The following SLC1A4 variants were observed in gnomAD, a reference collection of about 807,000 sequenced individuals.
The protein encoded by SLC1A4 is neutral amino acid transporter A.
A neutral mutation model predicts 37.7 loss-of-function variants in SLC1A4; 19 were observed. The observed-to-expected ratio is 0.50, with a 90% confidence interval of 0.35 to 0.74. The LOEUF is 0.74. SLC1A4 is among the 30% of genes least tolerant of loss of function. SLC1A4 has a pLI of 0.01. For synonymous variants in SLC1A4, 299 were observed against 309.8 expected, an observed-to-expected ratio of 0.97 and a Z score of 0.37; for missense variants, 570 against 712.9, an observed-to-expected ratio of 0.80 and a Z score of 2.28.
chr2:65,018,370 G>T lies in SLC1A4; in HGVS notation c.1229+105G>T, dbSNP rs1264152146. On this transcript the variant is annotated intron_variant, in intron 6 of 7. Coordinates refer to ENST00000234256, the MANE Select transcript of SLC1A4 (RefSeq NM_003038.5). This position sits in a 1 kb window ranked among gnomAD's most constrained non-coding sequence, Gnocchi z 4.3. ...CTTGGTGTCTCGCTCATAAAATGAG[G>T]ACAGTGGGGATTCATTACTTGAAGA... 1 of 1,387,602 alleles carries T rather than the reference G, an allele frequency of 7.2e-7. No individual in the cohort carries two copies. The highest frequency in any genetic ancestry group is 9.9e-7 in the Non-Finnish European group (1 of 1,009,636). 86.0% of individuals were successfully genotyped at this position (1,387,602 alleles called of 1,614,324 possible).
chr2:64,991,860 C>CA (rs1482783448), intron 1 of SLC1A4, among the ~76,000 whole-genome samples: 1 of 152,162 alleles, frequency 6.6e-6, no homozygotes, highest in African/African-American at 2.4e-5. Flanking sequence ...CTCGGCCTCC[C>CA]AAAGTGCTGG....
chr2:65,006,406 CACTT>C (rs1673673380), intron 3 of SLC1A4, among the ~76,000 whole-genome samples: 1 of 151,806 alleles, frequency 6.6e-6, no homozygotes, highest in Non-Finnish European at 1.5e-5. Flanking sequence ...GCAGGAGAAT[CACTT>C]GAACACAGGA....
chr2:64,989,643 C>T lies in SLC1A4; in HGVS notation c.-1C>T, dbSNP rs150893731. ...TCTAGCTCGGAGCGGCGTGTAGCGC[C>T]ATGGAGAAGAGCAACGAGACCAACG... On this transcript the variant is annotated 5_prime_UTR_variant, in exon 1 of 8. Coordinates refer to ENST00000234256, the MANE Select transcript of SLC1A4 (RefSeq NM_003038.5). The T allele has an allele frequency of 1.7e-4, 260 of 1,516,990 alleles. No individual in the cohort carries two copies. The highest frequency in any genetic ancestry group is 4.8e-4 in the Admixed American group (20 of 41,978). 94.0% of individuals were successfully genotyped at this position (1,516,990 alleles called of 1,614,324 possible).
chr2:65,009,031 G>A (rs1261487228), intron 3 of SLC1A4, among the ~76,000 whole-genome samples: 4 of 152,130 alleles, frequency 2.6e-5, no homozygotes, highest in Admixed American at 6.5e-5. Flanking sequence ...AAACAAAAGC[G>A]CCCTATACGG....
rs1290748880 is a variant in SLC1A4, at chr2:65,022,182, G to A, written c.*1036G>A. On this transcript the variant is annotated 3_prime_UTR_variant, in exon 8 of 8. Coordinates refer to ENST00000234256, the MANE Select transcript of SLC1A4 (RefSeq NM_003038.5). ...GAGAAAACCATGTACTAATTGGAGT[G>A]GGGTACCCCCATTCACAGGTTCCCA... The A allele has an allele frequency of 2.0e-5, 3 of 152,292 alleles. No homozygotes were observed. The East Asian group carries it at 5.8e-4, about 29-fold the overall frequency. The allele number at this position is 152,292 out of a possible 1,614,324, so 9.4% of individuals were successfully genotyped here.
intron 3 of SLC1A4, among the ~76,000 whole-genome samples, chr2:65,006,358 G>C (rs771544578): frequency 3.9e-5 from 6 of 152,170 alleles, no homozygotes; most frequent in East Asian, 1.9e-4. Flanking sequence ...CAGGCATGGT[G>C]GTGGGCACCT....
intron 1 of SLC1A4, among the ~76,000 whole-genome samples, chr2:64,996,014 T>C (rs1334923462): frequency 1.9e-4 from 29 of 152,194 alleles, no homozygotes. Context: ...TTCTGTTTGT[T>C]TTAAGTAATG....
intron 3 of SLC1A4, among the ~76,000 whole-genome samples, chr2:65,007,921 G>A (rs1438583885): frequency 1.3e-5 from 2 of 152,098 alleles, no homozygotes; most frequent in African/African-American, 4.8e-5. Context: ...AACACTAAGT[G>A]TATTTCTTCT....
Position 65,010,652 on chromosome 2 carries a change from C to T in SLC1A4, c.689C>T (p.Ala230Val). The T allele has an allele frequency of 6.2e-7, 1 of 1,614,054 alleles. No individual in the cohort carries two copies. The highest frequency in any genetic ancestry group is 8.5e-7 in the Non-Finnish European group (1 of 1,179,944). The change falls in exon 4 of 8, where the codon GCT (alanine) becomes GTT (valine). Residue 230 changes from alanine to valine, a missense_variant. By Grantham distance (64) the Ala-to-Val change is moderately conservative. Coordinates refer to ENST00000234256, the MANE Select transcript of SLC1A4 (RefSeq NM_003038.5). ...GMNILGLVLF[A>V]LVLGVALKKL... The stretch of plus-strand genomic sequence containing the variant: ...AACATTTTAGGATTGGTCCTGTTTG[C>T]TCTGGTGTTAGGAGTGGCCTTAAAG...
Position 65,021,120 on chromosome 2 carries a change from C to G in SLC1A4, c.1573C>G (p.Leu525Val). The change falls in exon 8 of 8, where the codon CTG becomes GTG. Residue 525 changes from leucine (L) to valine (V), a missense_variant. Leu to Val is a conservative substitution (Grantham distance 32, BLOSUM62 1). Coordinates refer to ENST00000234256, the MANE Select transcript of SLC1A4 (RefSeq NM_003038.5). Reference sequence around the variant, plus strand: ...TGGCCCCGTGGCCAGTGCCCCAGAACTGGAATCCAAGGAGTCGGTTCTGTG... The same window carrying G: ...TGGCCCCGTGGCCAGTGCCCCAGAAGTGGAATCCAAGGAGTCGGTTCTGTG... ...PAGPVASAPE[L>V]ESKESVL 1 of 1,614,160 alleles carries G rather than the reference C, an allele frequency of 6.2e-7. No individual in the cohort carries two copies.
chr2:65,009,362 A>G (rs1237142224), intron 3 of SLC1A4, among the ~76,000 whole-genome samples: 1 of 151,778 alleles, frequency 6.6e-6, no homozygotes, highest in African/African-American at 2.4e-5. Context: ...AACAAGAGCG[A>G]AACTCTGTCT....
chr2:64,998,659 GT>G (rs1299851751), intron 1 of SLC1A4, among the ~76,000 whole-genome samples: 1 of 152,166 alleles, frequency 6.6e-6, no homozygotes, highest in Non-Finnish European at 1.5e-5. Flanking sequence ...GAAGTTCTGG[GT>G]TAAGGACAGG....
At chr2:64,997,013 A>G (rs1673282790) in intron 1 of SLC1A4, among the ~76,000 whole-genome samples, 2 of 152,134 alleles carry the variant, frequency 1.3e-5, no homozygotes, top group African/African-American at 4.8e-5. Context: ...AAGCCAAAGG[A>G]GAGAGGGAAA....
chr2:65,002,746 T>C (rs1178926042), intron 2 of SLC1A4, among the ~76,000 whole-genome samples: 2 of 151,734 alleles, frequency 1.3e-5, no homozygotes, highest in Non-Finnish European at 2.9e-5. Context: ...CCCAGCTAAT[T>C]TTTGTATTTT....
At chr2:64,994,800 T>C (rs1433431919) in intron 1 of SLC1A4, 4 of 152,110 alleles carry the variant, frequency 2.6e-5, no homozygotes, top group Admixed American at 6.6e-5. Context: ...GAGACGAGCG[T>C]GGCCTCCGTG....
At chr2:65,013,371 C>T (rs932563405) in intron 4 of SLC1A4, among the ~76,000 whole-genome samples, 2 of 152,036 alleles carry the variant, frequency 1.3e-5, no homozygotes, top group Non-Finnish European at 1.5e-5. Context: ...TACAGGCATG[C>T]GCCACCACGT....
chr2:65,023,486 A>C lies in SLC1A4; in HGVS notation c.*2340A>C, dbSNP rs1258477319. 2.0e-5 allele frequency: 3 copies of C among 152,246 alleles called. No homozygotes were observed. The highest frequency in any genetic ancestry group is 7.2e-5 in the African/African-American group (3 of 41,456). The allele number at this position is 152,246 out of a possible 1,614,324, so 9.4% of individuals were successfully genotyped here. The stretch of plus-strand genomic sequence containing the variant: ...TAAAGATGAATTTCACAAAGCCATA[A>C]AGCGTGAAATTAGAGCTGGACTTAA... On this transcript the variant is annotated 3_prime_UTR_variant, in exon 8 of 8. Coordinates refer to ENST00000234256, the MANE Select transcript of SLC1A4 (RefSeq NM_003038.5).
chr2:64,995,937 T>C (rs1000802931), intron 1 of SLC1A4, among the ~76,000 whole-genome samples: 1 of 152,190 alleles, frequency 6.6e-6, no homozygotes, highest in African/African-American at 2.4e-5. Context: ...GTGAGCTGCA[T>C]GGGTCTGCAC....
At chr2:65,019,450 A>C (rs1674319012) in intron 7 of SLC1A4, among the ~76,000 whole-genome samples, 1 of 152,148 alleles carries the variant, frequency 6.6e-6, no homozygotes, top group African/African-American at 2.4e-5. Flanking sequence ...TAGCACCCAC[A>C]CCAGGGTTGT....
Sources: allele counts gnomAD v4.1 joint callset (sites outside exome capture counted in the v4.1 genomes callset), GRCh38; gene constraint gnomAD v4.1.1; non-coding constraint Gnocchi (gnomAD v3.1); transcripts MANE v1.5; gene names NCBI Gene and HGNC (gene_info 2026-07-23, HGNC 2026-07-21).